The following TP53INP1 variants were observed in gnomAD, a reference collection of about 807,000 sequenced individuals.
TP53INP1 encodes tumor protein p53 inducible nuclear protein 1, also known as tumor protein p53-inducible nuclear protein 1.
In TP53INP1, 12 loss-of-function variants were observed where a neutral mutation model predicts 21.0. The ratio of observed to expected loss-of-function variants is 0.57; its 90% CI spans 0.37 to 0.93. The LOEUF is 0.93. Ranked by LOEUF, TP53INP1 falls within the 40% of genes least tolerant of loss-of-function variation. The probability of loss-of-function intolerance (pLI) is 0.01; values close to 1 mark genes in which losing one functional copy is unlikely to be tolerated. For missense variants in TP53INP1, 274 were observed against 294.7 expected (o/e 0.93, Z 0.51); for synonymous variants, 91 against 94.8 (o/e 0.96, Z 0.23).
Position 94,930,636 on chromosome 8 carries a change from A to G in TP53INP1, c.566T>C (p.Phe189Ser). 1 of 1,614,220 alleles carries G rather than the reference A, an allele frequency of 6.2e-7. No individual in the cohort carries two copies. The highest frequency in any genetic ancestry group is 8.5e-7 in the Non-Finnish European group (1 of 1,180,036). The change falls in exon 4 of 4, where the codon TTT (phenylalanine) becomes TCT (serine). Residue 189 changes from phenylalanine (F) to serine (S), a missense_variant. Phe to Ser is a radical substitution (Grantham distance 155). Coordinates refer to ENST00000342697, the MANE Select transcript of TP53INP1 (RefSeq NM_033285.4). ...TTCTTTTATCCACTGGGAAGGGCGA[A>G]AGCTCTTGGGTTGTTCCAGAAAAGT... ...HTTFLEQPKS[F>S]RPSQWIKEHS...
At chr8:94,938,105 A>G (rs1414194022) in intron 3 of TP53INP1, among the ~76,000 whole-genome samples, 2 of 152,186 alleles carry the variant, frequency 1.3e-5, no homozygotes, top group Non-Finnish European at 2.9e-5. Context: ...AAAAGATGAC[A>G]TTGTTTCTAA....
chr8:94,941,983 A>AAGC (rs1434268255), intron 1 of TP53INP1, among the ~76,000 whole-genome samples: 1 of 152,012 alleles, frequency 6.6e-6, no homozygotes, highest in African/African-American at 2.4e-5. Context: ...CTTTCTCAGG[A>AAGC]AGCAGCAGCA....
chr8:94,938,758 C>A (rs1430403240), intron 3 of TP53INP1, among the ~76,000 whole-genome samples: 1 of 152,218 alleles, frequency 6.6e-6, no homozygotes, highest in Non-Finnish European at 1.5e-5. Flanking sequence ...ATCCCTTCAT[C>A]TGTATCCTTT....
chr8:94,936,319 G>A (rs1245664632), intron 3 of TP53INP1, among the ~76,000 whole-genome samples: 1 of 152,204 alleles, frequency 6.6e-6, no homozygotes, highest in Admixed American at 6.5e-5. Context: ...TGTAGGGAAT[G>A]TAAGAAGGAC....
chr8:94,936,309 T>C (rs994168770), intron 3 of TP53INP1, among the ~76,000 whole-genome samples: 3 of 152,196 alleles, frequency 2.0e-5, no homozygotes, highest in African/African-American at 7.2e-5. Flanking sequence ...GATCATGTTA[T>C]GTAGGGAATG....
At chr8:94,933,209 G>A (rs1227085761) in intron 3 of TP53INP1, among the ~76,000 whole-genome samples, 1 of 152,026 alleles carries the variant, frequency 6.6e-6, no homozygotes, top group East Asian at 1.9e-4. Context: ...GTGAGACTCC[G>A]TGTTAAAATA....
In TP53INP1 at chr8:94,926,250, C is replaced by T. The variant is rs1348675012; in HGVS notation, c.*4229G>A. Reference sequence around the variant, plus strand: ...CATAGATTGATGTACAGTAACCTAACCAAATGTCCCTTTTGAATTTTCAAG... The same window carrying T: ...CATAGATTGATGTACAGTAACCTAATCAAATGTCCCTTTTGAATTTTCAAG... On this transcript the variant is annotated 3_prime_UTR_variant, in exon 4 of 4. Coordinates refer to ENST00000342697, the MANE Select transcript of TP53INP1 (RefSeq NM_033285.4). 6.6e-6 allele frequency: 1 copy of T among 152,426 alleles called. No individual in the cohort carries two copies. The highest frequency in any genetic ancestry group is 2.4e-5 in the African/African-American group (1 of 41,384). 9.4% of individuals were successfully genotyped at this position (152,426 alleles called of 1,614,324 possible).
At chr8:94,941,628 TGAA>T (rs1320977651) in intron 1 of TP53INP1, among the ~76,000 whole-genome samples, 1 of 152,226 alleles carries the variant, frequency 6.6e-6, no homozygotes, top group Non-Finnish European at 1.5e-5. Context: ...ACAGCTGGCA[TGAA>T]GAAATTTACA....
intron 1 of TP53INP1, among the ~76,000 whole-genome samples, chr8:94,948,179 T>C (rs1252176232): frequency 6.6e-6 from 1 of 152,084 alleles, no homozygotes; most frequent in Non-Finnish European, 1.5e-5. Flanking sequence ...AATCAGAAAA[T>C]ACAAGCAAAA....
In TP53INP1 at chr8:94,929,481, C is replaced by G. The variant is rs1820188803; in HGVS notation, c.*998G>C. ...CTCTTCACTCAGATGCCATGAAAGA[C>G]ATCATCACCAGACAGTCCCCACACT... On this transcript the variant is annotated 3_prime_UTR_variant, in exon 4 of 4. Coordinates refer to ENST00000342697, the MANE Select transcript of TP53INP1 (RefSeq NM_033285.4). The G allele has an allele frequency of 6.9e-6, 1 of 145,702 alleles. No homozygotes were observed. The highest frequency in any genetic ancestry group is 1.5e-5 in the Non-Finnish European group (1 of 65,544). The allele number at this position is 145,702 out of a possible 1,614,324, so 9.0% of individuals were successfully genotyped here.
rs372267324 is a variant in TP53INP1, at chr8:94,930,511, G to C, written c.691C>G (p.His231Asp). The change falls in exon 4 of 4, where the codon CAT (histidine) becomes GAT (aspartate). Residue 231 changes from histidine to aspartate, a missense_variant. Coordinates refer to ENST00000342697, the MANE Select transcript of TP53INP1 (RefSeq NM_033285.4). ...RQVKHNGWVV[H>D]QPCPRQYNY ...TTGTACTGACGCGGGCAGGGCTGAT[G>C]AACAACCCAGCCATTGTGCTTGACT... 9 of 1,614,124 alleles carry C rather than the reference G, an allele frequency of 5.6e-6. No homozygotes were observed. The highest frequency in any genetic ancestry group is 7.6e-6 in the Non-Finnish European group (9 of 1,180,052).
In TP53INP1 at chr8:94,927,038, A is replaced by G. The variant is rs1433590112; in HGVS notation, c.*3441T>C. On this transcript the variant is annotated 3_prime_UTR_variant, in exon 4 of 4. Coordinates refer to ENST00000342697, the MANE Select transcript of TP53INP1 (RefSeq NM_033285.4). ...AATAAAAAGATAATTTTAAAGTAAC[A>G]TTACAAACATATACTACTAGTGTCT... 1 of 152,410 alleles carries G rather than the reference A, an allele frequency of 6.6e-6. No individual in the cohort carries two copies. Among genetic ancestry groups the G allele is most frequent in the Non-Finnish European group, 1.5e-5 (1 of 68,032 alleles). 9.4% of individuals were successfully genotyped at this position (152,410 alleles called of 1,614,324 possible). A position where few individuals can be genotyped will look rare whatever the true frequency, so the allele number is the denominator to read the frequency against.
intron 3 of TP53INP1, among the ~76,000 whole-genome samples, chr8:94,933,799 G>A (rs1430624664): frequency 7.6e-6 from 1 of 132,302 alleles, no homozygotes; most frequent in African/African-American, 2.7e-5. Context: ...ATACATCTGG[G>A]CATGGTGGCT....
rs1433542380 is a variant in TP53INP1, at chr8:94,926,090, T to C, written c.*4389A>G. On this transcript the variant is annotated 3_prime_UTR_variant, in exon 4 of 4. Transcript: ENST00000342697. ...TTAACACACAATGTTTAAACAATGCTACACTCATTTTTGGCAAAGTGCTGT... is the reference window on the plus strand; with the variant it reads ...TTAACACACAATGTTTAAACAATGCCACACTCATTTTTGGCAAAGTGCTGT... 1 of 152,644 alleles carries C rather than the reference T, an allele frequency of 6.6e-6. No individual in the cohort carries two copies. The highest frequency in any genetic ancestry group is 1.5e-5 in the Non-Finnish European group (1 of 68,026). The allele number at this position is 152,644 out of a possible 1,614,324, so 9.5% of individuals were successfully genotyped here. A position where few individuals can be genotyped will look rare whatever the true frequency, so the allele number is the denominator to read the frequency against.
In TP53INP1 at chr8:94,941,028, C is replaced by T; in HGVS notation, c.-87G>A. The stretch of plus-strand genomic sequence containing the variant: ...TCTTTAGTTGGCCCAATGGTACCGA[C>T]AGGAGATTAAAGTGCACAGGGTGCT... On this transcript the variant is annotated 5_prime_UTR_variant, in exon 2 of 4. Transcript: ENST00000342697. 1.0e-6 allele frequency: 1 copy of T among 964,732 alleles called. No homozygotes were observed. The highest frequency in any genetic ancestry group is 1.6e-6 in the Non-Finnish European group (1 of 621,204). 59.8% of individuals were successfully genotyped at this position (964,732 alleles called of 1,614,324 possible). A position where few individuals can be genotyped will look rare whatever the true frequency, so the allele number is the denominator to read the frequency against.
intron 3 of TP53INP1, among the ~76,000 whole-genome samples, chr8:94,937,292 T>C (rs1339940024): frequency 6.6e-6 from 1 of 151,990 alleles, no homozygotes; most frequent in African/African-American, 2.4e-5. Flanking sequence ...AGTACAAATA[T>C]TACCCAGGTA....
intron 1 of TP53INP1, among the ~76,000 whole-genome samples, chr8:94,946,278 T>C (rs1821983390): frequency 6.6e-6 from 1 of 152,154 alleles, no homozygotes; most frequent in South Asian, 2.1e-4. Context: ...AGTCTAATAC[T>C]CACGGGGAAG....
At chr8:94,937,286 C>T (rs1821071160) in intron 3 of TP53INP1, among the ~76,000 whole-genome samples, 1 of 151,898 alleles carries the variant, frequency 6.6e-6, no homozygotes, top group Non-Finnish European at 1.5e-5. Context: ...ACTAAAAGTA[C>T]AAATATTACC....
At chr8:94,942,141 A>G (rs1173286871) in intron 1 of TP53INP1, among the ~76,000 whole-genome samples, 2 of 151,076 alleles carry the variant, frequency 1.3e-5, no homozygotes, top group East Asian at 3.9e-4. Flanking sequence ...GGTTCACGCC[A>G]TTCTCCTGCC....
Sources: allele counts gnomAD v4.1 joint callset (sites outside exome capture counted in the v4.1 genomes callset), GRCh38; gene constraint gnomAD v4.1.1; transcripts MANE v1.5; gene names NCBI Gene and HGNC (gene_info 2026-07-23, HGNC 2026-07-21).